The following AP1G1 variants were observed in gnomAD, a reference collection of about 807,000 sequenced individuals.
AP1G1 encodes the protein adaptor related protein complex 1 subunit gamma 1, also known as AP-1 complex subunit gamma-1.
Under a neutral mutation model 108.3 loss-of-function variants are expected in AP1G1, and 7 were observed. The ratio of observed to expected loss-of-function variants is 0.06; its 90% CI spans 0.04 to 0.12. The LOEUF is 0.12. Among genes scored for constraint, AP1G1 ranks in the 10% least tolerant of loss-of-function variants. The pLI, the probability that AP1G1 is intolerant of heterozygous loss-of-function variation, is 1.00. For missense variants in AP1G1, 756 were observed against 1,010.7 expected (o/e 0.75, Z 3.42); for synonymous variants, 379 against 353.5 (o/e 1.07, Z -0.81).
intron 2 of AP1G1, among the ~76,000 whole-genome samples, chr16:71,778,356 T>C (rs760805190): frequency 4.6e-5 from 7 of 152,210 alleles, no homozygotes; most frequent in East Asian, 3.8e-4. Flanking sequence ...TGGCCAGCCA[T>C]AGTGCTGAGA....
chr16:71,774,286 G>A, intron 3 of AP1G1, 182 bp downstream of exon 3: 1 of 588,894 alleles, frequency 1.7e-6, no homozygotes, highest in South Asian at 2.5e-5. Flanking sequence ...GCTGAGGCAG[G>A]AGAATCACTT....
chr16:71,761,037 A>C (rs547507861), intron 10 of AP1G1, among the ~76,000 whole-genome samples: 24 of 152,334 alleles, frequency 1.6e-4, no homozygotes, highest in Non-Finnish European at 2.6e-4. Flanking sequence ...ATATTTCTTA[A>C]TTTAGAGCAG....
chr16:71,802,251 A>G (rs2032827444), intron 1 of AP1G1, among the ~76,000 whole-genome samples: 1 of 152,186 alleles, frequency 6.6e-6, no homozygotes, highest in Non-Finnish European at 1.5e-5. Flanking sequence ...CTTAAAAGGA[A>G]GCAAAAGAAG....
At chr16:71,741,796 T>C (rs565930129) in intron 19 of AP1G1, among the ~76,000 whole-genome samples, 3 of 152,248 alleles carry the variant, frequency 2.0e-5, no homozygotes, top group African/African-American at 7.2e-5. Flanking sequence ...TTCAAAACAA[T>C]TTTAGAAATG....
chr16:71,770,352 T>C (rs1370405845), intron 5 of AP1G1, among the ~76,000 whole-genome samples: 1 of 152,254 alleles, frequency 6.6e-6, no homozygotes, highest in Non-Finnish European at 1.5e-5. Context: ...CAGAACTTAT[T>C]TCACTGACTT....
chr16:71,749,802 C>T (rs2030390784), intron 15 of AP1G1, 92 bp downstream of exon 15: 3 of 1,133,208 alleles, frequency 2.6e-6, no homozygotes, highest in Non-Finnish European at 2.6e-6. Flanking sequence ...AAAAAGTTTT[C>T]AAGGAATCAA....
At chr16:71,798,894 A>G (rs1011932736) in intron 1 of AP1G1, among the ~76,000 whole-genome samples, 2 of 147,120 alleles carry the variant, frequency 1.4e-5, no homozygotes, top group South Asian at 4.3e-4. Context: ...GTCTCCCAGG[A>G]AAAAAAAAAA....
At chr16:71,745,923 T>A (rs1013492205) in intron 17 of AP1G1, among the ~76,000 whole-genome samples, 1 of 152,130 alleles carries the variant, frequency 6.6e-6, no homozygotes, top group Admixed American at 6.5e-5. Context: ...AGATACTGTA[T>A]AATAGAAGAA....
At chr16:71,733,999 C>T (rs912976591) in intron 22 of AP1G1, among the ~76,000 whole-genome samples, 1 of 151,916 alleles carries the variant, frequency 6.6e-6, no homozygotes, top group Non-Finnish European at 1.5e-5. Context: ...CTATAGAGGC[C>T]GATGCTCAAA....
chr16:71,773,213 A>AAAGTTACCTTTTTTCTTAAGT lies in AP1G1; in HGVS notation c.455_468+7dup. The AAAGTTACCTTTTTTCTTAAGT allele has an allele frequency of 1.2e-6, 2 of 1,612,790 alleles. No individual in the cohort carries two copies. Among genetic ancestry groups the AAAGTTACCTTTTTTCTTAAGT allele is most frequent in the Non-Finnish European group, 1.7e-6 (2 of 1,179,928 alleles). ...ATCCAAACAGACATTTGGTTCATTA[A>AAAGTTACCTTTTTTCTTAAGT]AAGTTACCTTTTTTCTTAAGTAAGA... On this transcript the variant is annotated splice_region_variant and intron_variant, in intron 4 of 22. Transcript: ENST00000299980.
intron 4 of AP1G1, among the ~76,000 whole-genome samples, chr16:71,771,777 G>A (rs905072914): frequency 2.6e-5 from 4 of 152,272 alleles, no homozygotes; most frequent in African/African-American, 7.2e-5. Context: ...ATACCTCTGA[G>A]TAAGATGACT....
intron 1 of AP1G1, among the ~76,000 whole-genome samples, chr16:71,800,861 G>A (rs201891703): frequency 6.6e-6 from 1 of 151,924 alleles, no homozygotes; most frequent in East Asian, 1.9e-4. Flanking sequence ...GGGGCATGGT[G>A]GCACATGTCT....
chr16:71,804,621 T>G (rs944263135), intron 1 of AP1G1, among the ~76,000 whole-genome samples: 4 of 151,198 alleles, frequency 2.6e-5, no homozygotes, highest in Admixed American at 1.3e-4. Context: ...TTGACCAGGC[T>G]AGTATCAAAC....
At chr16:71,763,978 T>C (rs1177885429) in intron 9 of AP1G1, among the ~76,000 whole-genome samples, 2 of 152,180 alleles carry the variant, frequency 1.3e-5, no homozygotes, top group Admixed American at 6.5e-5. Flanking sequence ...AGTCTGAGAA[T>C]AGGATATTTA....
intron 21 of AP1G1, 42 bp from the exon 22 acceptor site, chr16:71,734,749 C>A: frequency 2.0e-6 from 3 of 1,519,448 alleles, no homozygotes; most frequent in Non-Finnish European, 2.7e-6. Flanking sequence ...AAGAATTACA[C>A]AACGCTAGGT....
intron 6 of AP1G1, 153 bp downstream of exon 6, chr16:71,769,470 C>A: frequency 1.4e-6 from 1 of 700,990 alleles, no homozygotes; most frequent in East Asian, 2.9e-5. Context: ...ATGCCTAAAT[C>A]TGGCTTCCAG....
chr16:71,798,957 T>C (rs907071962), intron 1 of AP1G1, among the ~76,000 whole-genome samples: 1 of 149,808 alleles, frequency 6.7e-6, no homozygotes, highest in Non-Finnish European at 1.5e-5. Flanking sequence ...AGAATTAACA[T>C]TCCATAAGCG....
chr16:71,751,018 T>C (rs937732014), intron 13 of AP1G1, among the ~76,000 whole-genome samples: 1 of 151,104 alleles, frequency 6.6e-6, no homozygotes, highest in Admixed American at 6.6e-5. Context: ...TAGCCGGGCA[T>C]GTGGTGGGTG....
At chr16:71,763,034 C>A (rs545102242) in intron 9 of AP1G1, among the ~76,000 whole-genome samples, 143 of 152,288 alleles carry the variant, frequency 9.4e-4, no homozygotes, top group African/African-American at 3.3e-3. Context: ...CACCAGAAAA[C>A]TGCTTGATGT....
Sources: allele counts gnomAD v4.1 joint callset (sites outside exome capture counted in the v4.1 genomes callset), GRCh38; gene constraint gnomAD v4.1.1; transcripts MANE v1.5; gene names NCBI Gene and HGNC (gene_info 2026-07-23, HGNC 2026-07-21).